EFHC1: variants seen among roughly 807,000 people sequenced by gnomAD.
EFHC1 encodes EF-hand domain-containing protein 1.
In EFHC1, 53 loss-of-function variants were observed where a neutral mutation model predicts 69.9. The observed-to-expected ratio is 0.76, with a 90% CI of 0.61 to 0.95. The LOEUF (loss-of-function observed/expected upper bound fraction) is 0.95, where lower values mean the gene tolerates loss of function less well. Ranked by LOEUF, EFHC1 falls within the 40% of genes least tolerant of loss-of-function variation. EFHC1 has a pLI of 0.00. For missense variants in EFHC1, 739 were observed against 798.7 expected (o/e 0.93, Z 0.90); for synonymous variants, 256 against 278.4 (o/e 0.92, Z 0.80).
At chr6:52,469,742 T>G (rs553968167) in intron 7 of EFHC1, among the ~76,000 whole-genome samples, 1 of 152,342 alleles carries the variant, frequency 6.6e-6, no homozygotes, top group South Asian at 2.1e-4. Context: ...TTGACAGATC[T>G]TTTGCCTCTT....
chr6:52,448,728 A>T (rs952437008), intron 3 of EFHC1, among the ~76,000 whole-genome samples: 2 of 152,152 alleles, frequency 1.3e-5, no homozygotes, highest in Non-Finnish European at 2.9e-5. Context: ...TCATTAAGGG[A>T]TATTGAATTT....
chr6:52,479,884 T>G (rs1422918162), intron 9 of EFHC1, 97 bp downstream of exon 9: 2 of 1,547,790 alleles, frequency 1.3e-6, no homozygotes, highest in Non-Finnish European at 1.7e-6. Flanking sequence ...TTTTCTGATT[T>G]CTCTCACCAG....
rs1447536977 is a variant in EFHC1 at position 52,493,268 on chromosome 6, G to C, written c.*927G>C. On this transcript the variant is annotated 3_prime_UTR_variant, in exon 11 of 11. Coordinates refer to ENST00000371068, the MANE Select transcript of EFHC1 (RefSeq NM_018100.4). ...GGAATTATACCTTTAGCTCTCCTGG[G>C]TCTCCAGCTTGCCAATTTACCCTGC... 4.4e-6 allele frequency: 2 copies of C among 451,838 alleles called. No individual in the cohort carries two copies. The highest frequency in any genetic ancestry group is 4.1e-5 in the African/African-American group (2 of 49,214). 28.0% of individuals were successfully genotyped at this position (451,838 alleles called of 1,614,324 possible).
intron 7 of EFHC1, among the ~76,000 whole-genome samples, chr6:52,471,862 C>T (rs1429563178): frequency 1.3e-5 from 2 of 150,298 alleles, no homozygotes; most frequent in South Asian, 2.1e-4. Context: ...AGCAAGACTC[C>T]GTCTAAAAAT....
intron 3 of EFHC1, among the ~76,000 whole-genome samples, chr6:52,441,228 G>C (rs929841733): frequency 2.0e-5 from 3 of 152,136 alleles, no homozygotes; most frequent in African/African-American, 7.2e-5. Flanking sequence ...GTTTAGAATA[G>C]TGTTGCCTTG....
chr6:52,490,699 T>TTTTTAA, intron 10 of EFHC1: 1 of 489,152 alleles, frequency 2.0e-6, no homozygotes, highest in South Asian at 3.0e-5. Context: ...TTGGCAGCCT[T>TTTTTAA]TGATACCCTT....
chr6:52,459,729 C>T (rs1052970921), intron 5 of EFHC1, among the ~76,000 whole-genome samples: 8 of 152,168 alleles, frequency 5.3e-5, no homozygotes, highest in African/African-American at 1.9e-4. Flanking sequence ...GGCTGGAGTG[C>T]AGTGGCATGG....
intron 5 of EFHC1, among the ~76,000 whole-genome samples, chr6:52,458,086 A>C (rs1488797608): frequency 6.6e-6 from 1 of 152,222 alleles, no homozygotes; most frequent in Non-Finnish European, 1.5e-5. Flanking sequence ...TGACAAAGGT[A>C]AAAAAGCAAT....
chr6:52,420,795 C>T (rs1456539299), intron 1 of EFHC1, among the ~76,000 whole-genome samples: 1 of 152,108 alleles, frequency 6.6e-6, no homozygotes, highest in African/African-American at 2.4e-5. Context: ...AAGCCCCTGC[C>T]TCTTGTCCCT....
chr6:52,442,360 A>G (rs1222684159), intron 3 of EFHC1, among the ~76,000 whole-genome samples: 2 of 151,958 alleles, frequency 1.3e-5, no homozygotes, highest in Non-Finnish European at 2.9e-5. Context: ...GGTTTGTTGC[A>G]TATGTATACA....
At chr6:52,434,925 C>CAT (rs1409764984) in intron 2 of EFHC1, among the ~76,000 whole-genome samples, 4 of 150,806 alleles carry the variant, frequency 2.7e-5, no homozygotes, top group African/African-American at 4.9e-5. Flanking sequence ...ATAACAAGAC[C>CAT]ATATATATAT....
In EFHC1 at chr6:52,495,565, C is replaced by T. The variant is rs780827217; in HGVS notation, c.*3224C>T. ...GAAAGTCTCATTTAGCATCCTCTAG[C>T]CTGCTTTTGGCTGTTTTGTTTTGTT... On this transcript the variant is annotated 3_prime_UTR_variant, in exon 11 of 11. Coordinates refer to ENST00000371068, the MANE Select transcript of EFHC1 (RefSeq NM_018100.4). 4.4e-6 allele frequency: 2 copies of T among 453,956 alleles called. No individual in the cohort carries two copies. Among genetic ancestry groups the T allele is most frequent in the Non-Finnish European group, 8.8e-6 (2 of 226,794 alleles). The allele number at this position is 453,956 out of a possible 1,614,324, so 28.1% of individuals were successfully genotyped here.
At chr6:52,443,206 G>A (rs1764704216) in intron 3 of EFHC1, among the ~76,000 whole-genome samples, 1 of 152,202 alleles carries the variant, frequency 6.6e-6, no homozygotes, top group South Asian at 2.1e-4. Flanking sequence ...CAGATGGGTA[G>A]ATTGTAAAAA....
chr6:52,485,224 C>T (rs1457551701), intron 9 of EFHC1: 1 of 152,098 alleles, frequency 6.6e-6, no homozygotes, highest in Non-Finnish European at 1.5e-5. Flanking sequence ...AAGTACTTCC[C>T]GAAAGTTTTT....
intron 1 of EFHC1, chr6:52,423,657 A>ATTTTTTTTTTTTTT (rs59383268): frequency 4.0e-6 from 1 of 250,352 alleles, no homozygotes; most frequent in Non-Finnish European, 6.9e-6. Flanking sequence ...CACCCAGCTA[A>ATTTTTTTTTTTTTT]TTTTTTTTTT....
At chr6:52,423,150 C>T (rs1422917808) in intron 1 of EFHC1, among the ~76,000 whole-genome samples, 1 of 152,172 alleles carries the variant, frequency 6.6e-6, no homozygotes, top group Non-Finnish European at 1.5e-5. Context: ...TATATACCAT[C>T]CAGTTGCTTT....
At position 52,479,674 on chromosome 6, in the gene EFHC1, C is replaced by T. The variant is rs368238981; in HGVS notation, c.1527C>T (p.Asp509=). The T allele has an allele frequency of 2.5e-5, 40 of 1,614,042 alleles. No individual in the cohort carries two copies. Among genetic ancestry groups the T allele is most frequent in the African/African-American group, 4.0e-5 (3 of 74,920 alleles). The change falls in exon 9 of 11, where the codon GAC becomes GAT. Residue 509 remains aspartate, a synonymous_variant. Transcript: ENST00000371068. ...FGHRFIILDT[D]EYVLKYMESN... is the part of the protein sequence containing the mutation. ...ACCGGTTCATCATCCTTGATACAGA[C>T]GAGTATGTTTTGAAATACATGGAGA...
In EFHC1 at chr6:52,495,875, AAG is replaced by A. The variant is rs1295449407; in HGVS notation, c.*3538_*3539del. On this transcript the variant is annotated 3_prime_UTR_variant, in exon 11 of 11. Coordinates refer to ENST00000371068, the MANE Select transcript of EFHC1 (RefSeq NM_018100.4). ...CTGACAGCACCAACACAAGGTATAA[AAG>A]AGATTTCATGAAAGACCAAAGCCAG... 3.2e-6 allele frequency: 1 copy of A among 312,822 alleles called. No homozygotes were observed. The highest frequency in any genetic ancestry group is 6.2e-6 in the Non-Finnish European group (1 of 160,422). The allele number at this position is 312,822 out of a possible 1,614,324, so 19.4% of individuals were successfully genotyped here. A position where few individuals can be genotyped will look rare whatever the true frequency, so the allele number is the denominator to read the frequency against.
intron 2 of EFHC1, chr6:52,428,112 T>C (rs1764339177): frequency 6.6e-6 from 1 of 152,204 alleles, no homozygotes; most frequent in Admixed American, 6.5e-5. Context: ...TTAAATATAA[T>C]TTTTCTTTTC....
Sources: gnomAD v4.1 joint callset for allele counts (sites outside exome capture counted in the v4.1 genomes callset) on GRCh38, gnomAD v4.1.1 for gene constraint, MANE v1.5 for transcripts, NCBI Gene and HGNC (gene_info 2026-07-23, HGNC 2026-07-21) for gene names.